Variants in ABCA4 observed in about 807,000 individuals in gnomAD.
ABCA4 encodes the protein retinal-specific phospholipid-transporting ATPase ABCA4.
A neutral mutation model predicts 263.7 loss-of-function variants in ABCA4; 196 were observed. The observed-to-expected ratio is 0.74, with a 90% CI of 0.66 to 0.84. The LOEUF (loss-of-function observed/expected upper bound fraction) is 0.84. Among genes scored for constraint, ABCA4 ranks in the 40% least tolerant of loss-of-function variants. ABCA4 has a pLI of 0.00. For synonymous variants in ABCA4, 1,133 were observed against 1,094.2 expected (o/e 1.04, Z -0.70); for missense variants, 2,792 against 2,855.1 (o/e 0.98, Z 0.50).
chr1:94,044,750 G>C lies in ABCA4; in HGVS notation c.2919-6C>G. The C allele has an allele frequency of 1.2e-6, 2 of 1,614,220 alleles. No individual in the cohort carries two copies. Among genetic ancestry groups the C allele is most frequent in the South Asian group, 2.2e-5 (2 of 91,086 alleles). ...ACAGACCCGTCAGGATGGACCTGCA[G>C]AACACAGGCGTCAGTGGCAGAAGAG... On this transcript the variant is annotated splice_polypyrimidine_tract_variant and splice_region_variant and intron_variant, in intron 19 of 49. Coordinates refer to ENST00000370225, the MANE Select transcript of ABCA4 (RefSeq NM_000350.3).
At position 94,047,080 on chromosome 1, in the gene ABCA4, T is replaced by C. The variant is rs539815930; in HGVS notation, c.2757A>G (p.Glu919=). Residue 919 remains glutamate (E), a synonymous_variant, in exon 19 of 50, where the codon GAA becomes GAG. Transcript: ENST00000370225. The part of the protein sequence containing the change: ...HPEGIHDSFF[E]REHPGWVPGV... ...CAGGAACCCACCCTGGATGCTCACGTTCAAAGAAGGAGTCTTGGAGGAAAA... is the reference window on the plus strand; with the variant it reads ...CAGGAACCCACCCTGGATGCTCACGCTCAAAGAAGGAGTCTTGGAGGAAAA... 3.7e-6 allele frequency: 6 copies of C among 1,614,026 alleles called. No homozygotes were observed. The highest frequency in any genetic ancestry group is 4.2e-6 in the Non-Finnish European group (5 of 1,180,036).
rs1318187283 is a variant in ABCA4, at chr1:93,993,089, C to T, written c.*148G>A. 16 of 1,020,614 alleles carry T rather than the reference C, an allele frequency of 1.6e-5. No homozygotes were observed. Among genetic ancestry groups the T allele is most frequent in the Non-Finnish European group, 1.9e-5 (13 of 679,250 alleles). 63.2% of individuals were successfully genotyped at this position (1,020,614 alleles called of 1,614,324 possible). A position where few individuals can be genotyped will look rare whatever the true frequency, so the allele number is the denominator to read the frequency against. On this transcript the variant is annotated 3_prime_UTR_variant, in exon 50 of 50. Transcript: ENST00000370225. ...CTTCTGAAAGACCTCTTTCTGAATTCGCTGCATGCTCCTCGTGTGTTTGTT... is the reference window on the plus strand; with the variant it reads ...CTTCTGAAAGACCTCTTTCTGAATTTGCTGCATGCTCCTCGTGTGTTTGTT...
intron 5 of ABCA4, among the ~76,000 whole-genome samples, chr1:94,102,765 G>T (rs1186230793): frequency 6.6e-6 from 1 of 152,100 alleles, no homozygotes; most frequent in Admixed American, 6.5e-5. Context: ...GATCTCTAAG[G>T]TTCCTTCCAG....
chr1:94,007,830 G>C (rs1659434269), intron 42 of ABCA4, 90 bp from the exon 43 acceptor site: 2 of 1,276,602 alleles, frequency 1.6e-6, no homozygotes, highest in African/African-American at 2.9e-5. Context: ...TGAGCTGGGG[G>C]AGGAATTTTA....
At chr1:94,093,786 T>C (rs1008956216) in intron 6 of ABCA4, among the ~76,000 whole-genome samples, 2 of 152,228 alleles carry the variant, frequency 1.3e-5, no homozygotes, top group Admixed American at 1.3e-4. Flanking sequence ...TCTATTTCAT[T>C]TTTATTTCTT....
rs1459168634 is a variant in ABCA4, at chr1:94,098,812, G to A, written c.750C>T (p.Phe250=). The part of the protein sequence containing the change: ...IEDTLYANVD[F]FKLFRVLPTL... The stretch of plus-strand genomic sequence containing the variant: ...CCCTTACCACACGGAAGAGCTTGAA[G>A]AAGTCCACGTTGGCATACAGAGTGT... The change falls in exon 6 of 50, where the codon TTC becomes TTT. Residue 250 remains phenylalanine, a synonymous_variant. Coordinates refer to ENST00000370225, the MANE Select transcript of ABCA4 (RefSeq NM_000350.3). The A allele has an allele frequency of 6.2e-7, 1 of 1,614,204 alleles. No homozygotes were observed. The highest frequency in any genetic ancestry group is 1.1e-5 in the South Asian group (1 of 91,084).
intron 11 of ABCA4, among the ~76,000 whole-genome samples, chr1:94,068,568 T>G (rs756352354): frequency 1.1e-4 from 17 of 152,240 alleles, no homozygotes; most frequent in Non-Finnish European, 2.4e-4. Flanking sequence ...GAATAAACTC[T>G]CAGCAGAGGT....
Position 94,121,059 on chromosome 1 carries a change from C to A in ABCA4, c.-14G>T, listed in dbSNP as rs780350363. On this transcript the variant is annotated 5_prime_UTR_variant, in exon 1 of 50. Coordinates refer to ENST00000370225, the MANE Select transcript of ABCA4 (RefSeq NM_000350.3). ...CACGAAGCCCATGCTAATGACCACA[C>A]GAAGACCAGATTGGTCAGAGCTGAG... is the stretch of plus-strand genomic sequence containing the variant. 1.2e-6 allele frequency: 2 copies of A among 1,613,978 alleles called. No individual in the cohort carries two copies. Among genetic ancestry groups the A allele is most frequent in the Admixed American group, 1.7e-5 (1 of 60,002 alleles).
At chr1:94,003,176 C>G (rs572276029) in intron 44 of ABCA4, among the ~76,000 whole-genome samples, 2 of 152,262 alleles carry the variant, frequency 1.3e-5, no homozygotes, top group African/African-American at 4.8e-5. Context: ...GTTCATAGTT[C>G]AGTTTTGTCA....
At chr1:94,043,256 A>G in intron 21 of ABCA4, 80 bp downstream of exon 21, 13 of 1,602,248 alleles carry the variant, frequency 8.1e-6, no homozygotes, top group Non-Finnish European at 1.1e-5. Context: ...CTCCTGCTCC[A>G]AGCCTCCCCT....
At chr1:94,073,919 G>A (rs1056235482) in intron 11 of ABCA4, among the ~76,000 whole-genome samples, 15 of 152,114 alleles carry the variant, frequency 9.9e-5, no homozygotes, top group Admixed American at 3.9e-4. Context: ...ACACCCCCTC[G>A]CACAGGTCCT....
intron 1 of ABCA4, among the ~76,000 whole-genome samples, chr1:94,116,605 T>G (rs1028245619): frequency 3.9e-5 from 6 of 152,138 alleles, no homozygotes; most frequent in African/African-American, 1.4e-4. Context: ...CACTCCCTGG[T>G]CAAAGACCAC....
intron 38 of ABCA4, among the ~76,000 whole-genome samples, chr1:94,013,538 C>T (rs1362682066): frequency 5.9e-5 from 9 of 152,240 alleles, no homozygotes; most frequent in South Asian, 2.1e-4. Context: ...GACACAGGCA[C>T]GTGGTGAGGC....
At position 94,079,395 on chromosome 1, in the gene ABCA4, G is replaced by A. The variant is rs201263774; in HGVS notation, c.1166C>T (p.Ala389Val). The change falls in exon 9 of 50, where the codon GCG (alanine) becomes GTG (valine). Residue 389 changes from alanine (A) to valine (V), a missense_variant. By Grantham distance (64) the Ala-to-Val change is moderately conservative. Coordinates refer to ENST00000370225, the MANE Select transcript of ABCA4 (RefSeq NM_000350.3). ...TTTTCCCATCAGCAAAGGCTTTGCC[G>A]CCCTCCAAGCGATTTTGGTTAAAGG... ...SNPLTKIAWRAAKPLLMGKIL... is the reference protein window; with the variant it reads ...SNPLTKIAWRVAKPLLMGKIL... 41 of 1,614,128 alleles carry A rather than the reference G, an allele frequency of 2.5e-5. No individual in the cohort carries two copies. The highest frequency in any genetic ancestry group is 9.3e-5 in the African/African-American group (7 of 75,022).
intron 41 of ABCA4, among the ~76,000 whole-genome samples, 156 bp from the exon 42 acceptor site, chr1:94,008,453 AG>A (rs1433258899): frequency 6.6e-6 from 1 of 152,242 alleles, no homozygotes; most frequent in African/African-American, 2.4e-5. Flanking sequence ...GTGAGTACTG[AG>A]ACATCTCGAG....
At chr1:94,000,226 C>T (rs943403100) in intron 47 of ABCA4, among the ~76,000 whole-genome samples, 4 of 152,300 alleles carry the variant, frequency 2.6e-5, no homozygotes, top group East Asian at 1.9e-4. Flanking sequence ...CATATCAGAA[C>T]GTGAATGAGC....
At chr1:94,005,777 C>T (rs1047012945) in intron 43 of ABCA4, among the ~76,000 whole-genome samples, 195 bp from the exon 44 acceptor site, 1 of 152,224 alleles carries the variant, frequency 6.6e-6, no homozygotes, top group Non-Finnish European at 1.5e-5. Context: ...CTGTCAGATT[C>T]TTCCATGTTT....
At position 94,021,293 on chromosome 1, in the gene ABCA4, G is replaced by A. The variant is rs764946227; in HGVS notation, c.4965C>T (p.Thr1655=). Residue 1655 remains threonine (T), a synonymous_variant, in exon 35 of 50, where the codon ACC becomes ACT. Coordinates refer to ENST00000370225, the MANE Select transcript of ABCA4 (RefSeq NM_000350.3). The stretch of plus-strand genomic sequence containing the variant: ...TCAGGTTCAGGGGTTGGCTAATGAC[G>A]GTGATTCCATACTCCTCGGGGCTCC... ...KDRSPEEYGI[T]VISQPLNLTK... 33 of 1,614,094 alleles carry A rather than the reference G, an allele frequency of 2.0e-5. No individual in the cohort carries two copies. Among genetic ancestry groups the A allele is most frequent in the South Asian group, 1.3e-4 (12 of 91,086 alleles).
chr1:94,056,789 T>C lies in ABCA4; in HGVS notation c.2194A>G (p.Ile732Val), dbSNP rs1660995528. 3.1e-6 allele frequency: 5 copies of C among 1,611,250 alleles called. No individual in the cohort carries two copies. In the Admixed American group the frequency reaches 8.4e-5, roughly 27 times the overall value. Residue 732 changes from isoleucine to valine, a missense_variant, in exon 15 of 50, where the codon ATC becomes GTC. Transcript: ENST00000370225. ...AAAGCCAACAAGAACAGGAAGAGGATGAATGGGTCGCTGTAATGTAGGATT... is the reference window on the plus strand; with the variant it reads ...AAAGCCAACAAGAACAGGAAGAGGACGAATGGGTCGCTGTAATGTAGGATT... ...GRILHYSDPFILFLFLLAFST... is the reference protein window; with the variant it reads ...GRILHYSDPFVLFLFLLAFST...
Sources: allele counts gnomAD v4.1 joint callset (sites outside exome capture counted in the v4.1 genomes callset), GRCh38; gene constraint gnomAD v4.1.1; transcripts MANE v1.5; gene names NCBI Gene and HGNC (gene_info 2026-07-23, HGNC 2026-07-21).